The following YPEL2 variants were observed in gnomAD, a reference collection of about 807,000 sequenced individuals.
YPEL2 encodes the protein yippee like 2, also known as protein yippee-like 2.
YPEL2 carries 2 observed loss-of-function variants against 19.1 expected under a neutral mutation model. The ratio of observed to expected loss-of-function variants is 0.10; its 90% CI spans 0.04 to 0.33. YPEL2 has a LOEUF of 0.33. Among genes scored for constraint, YPEL2 ranks in the 10% least tolerant of loss-of-function variants. The probability of loss-of-function intolerance (pLI) is 1.00; values close to 1 mark genes in which losing one functional copy is unlikely to be tolerated. For missense variants in YPEL2, 66 were observed against 140.7 expected, an observed-to-expected ratio of 0.47 and a Z score of 2.68; for synonymous variants, 52 against 50.0, an observed-to-expected ratio of 1.04 and a Z score of -0.17.
chr17:59,344,072 T>C (rs2047744526), intron 1 of YPEL2, among the ~76,000 whole-genome samples: 1 of 152,070 alleles, frequency 6.6e-6, no homozygotes, highest in Non-Finnish European at 1.5e-5. Flanking sequence ...AGAATTGGAA[T>C]GAAGGTGACA....
At chr17:59,349,642 C>T (rs1431609589) in intron 1 of YPEL2, among the ~76,000 whole-genome samples, 1 of 151,974 alleles carries the variant, frequency 6.6e-6, no homozygotes, top group Non-Finnish European at 1.5e-5. Context: ...TTCCCCGGCC[C>T]CCACAGGCTG....
intron 2 of YPEL2, among the ~76,000 whole-genome samples, chr17:59,376,355 A>G (rs1215931857): frequency 6.6e-6 from 1 of 152,104 alleles, no homozygotes; most frequent in East Asian, 1.9e-4. Context: ...TAGTAGCTGG[A>G]TTACAGGCAC....
intron 2 of YPEL2, among the ~76,000 whole-genome samples, chr17:59,369,964 A>G (rs1307390983): frequency 2.6e-5 from 4 of 152,268 alleles, no homozygotes; most frequent in Non-Finnish European, 5.9e-5. Flanking sequence ...GAGATGTACT[A>G]CTGTTGTCTC....
intron 1 of YPEL2, among the ~76,000 whole-genome samples, chr17:59,340,438 CAG>C (rs1395225969): frequency 6.1e-5 from 9 of 146,878 alleles, no homozygotes; most frequent in African/African-American, 2.0e-4. Context: ...TTTTTTGAGA[CAG>C]AGTCTTGCTC....
chr17:59,395,213 A>ATGTGTGCATG lies in YPEL2; in HGVS notation c.271-1879_271-1870dup, dbSNP rs2048032742. 7.3e-5 allele frequency among the ~76,000 whole-genome samples: 8 copies of ATGTGTGCATG among 109,842 alleles called. No homozygotes were observed. In the South Asian group the frequency reaches 2.2e-3, roughly 31 times the overall value. The allele number at this position is 109,842 out of a possible 152,430, so 72.1% of individuals were successfully genotyped here. On this transcript the variant is annotated intron_variant, in intron 4 of 4. Coordinates refer to ENST00000312655, the MANE Select transcript of YPEL2 (RefSeq NM_001005404.4). ...ATTGCTCTGTCATGTGTATACACGCATGTGTGCATGTGTGTGCACAGAGAC... is the reference window on the plus strand; with the variant it reads ...ATTGCTCTGTCATGTGTATACACGCATGTGTGCATGTGTGTGCATGTGTGTGCACAGAGAC...
At chr17:59,339,732 A>C (rs958197424) in intron 1 of YPEL2, among the ~76,000 whole-genome samples, 10 of 151,942 alleles carry the variant, frequency 6.6e-5, no homozygotes, top group African/African-American at 2.4e-4. Context: ...GGTCCTCTCT[A>C]ATTGTGTGAT....
In YPEL2 at chr17:59,372,536, C is replaced by T. The variant is rs559171991; in HGVS notation, c.118-15791C>T. Among the ~76,000 whole-genome samples the T allele has an allele frequency of 3.8e-3, 572 of 152,348 alleles. 1 individual carries two copies. The highest frequency in any genetic ancestry group is 0.013 in the African/African-American group (556 of 41,576). On this transcript the variant is annotated intron_variant, in intron 2 of 4. Transcript: ENST00000312655. ...CACTCTGTGGTCTAACCGGCTGGTCCTTGTTTAGAAACTAACAAGTTCTGC... is the reference window on the plus strand; with the variant it reads ...CACTCTGTGGTCTAACCGGCTGGTCTTTGTTTAGAAACTAACAAGTTCTGC...
rs563103111 is a variant in YPEL2, at chr17:59,349,364, T to C, written c.-195-3851T>C. On this transcript the variant is annotated intron_variant, in intron 1 of 4. Transcript: ENST00000312655. ...GCCCACAGGCCTTTTTTTTCTTTTT[T>C]TTTTTTTTTTTTTTGTTGAGACGGA... Among the ~76,000 whole-genome samples the C allele has an allele frequency of 2.7e-3, 384 of 144,744 alleles. 2 individuals are homozygous for C. Among genetic ancestry groups the C allele is most frequent in the African/African-American group, 5.8e-3 (228 of 39,388 alleles). 95.0% of individuals were successfully genotyped at this position (144,744 alleles called of 152,430 possible).
At chr17:59,336,656 C>T (rs529849571) in intron 1 of YPEL2, among the ~76,000 whole-genome samples, 219 of 152,296 alleles carry the variant, frequency 1.4e-3, no homozygotes, top group African/African-American at 5.0e-3. Context: ...CACCTAAGCA[C>T]TCAGTGCTAG....
intron 1 of YPEL2, among the ~76,000 whole-genome samples, chr17:59,350,805 A>G (rs1002909747): frequency 6.6e-6 from 1 of 152,180 alleles, no homozygotes; most frequent in Non-Finnish European, 1.5e-5. Flanking sequence ...GTCTGCATGT[A>G]TAAGAAAACA....
chr17:59,337,209 A>T (rs1444294797), intron 1 of YPEL2, among the ~76,000 whole-genome samples: 2 of 137,144 alleles, frequency 1.5e-5, no homozygotes, highest in African/African-American at 5.7e-5. Context: ...TTTGTTTGAG[A>T]CGGAGTCTCG....
At chr17:59,335,209 A>T (rs190867925) in intron 1 of YPEL2, among the ~76,000 whole-genome samples, 105 of 152,298 alleles carry the variant, frequency 6.9e-4, no homozygotes, top group African/African-American at 2.5e-3. Context: ...GATACACTTG[A>T]GTCTGTGAAG....
intron 2 of YPEL2, among the ~76,000 whole-genome samples, chr17:59,377,274 C>CT (rs1178947757): frequency 1.3e-5 from 2 of 152,154 alleles, no homozygotes; most frequent in African/African-American, 2.4e-5. Flanking sequence ...CTTTTTAACT[C>CT]TAACAGTTGT....
intron 2 of YPEL2, among the ~76,000 whole-genome samples, chr17:59,361,052 G>A (rs555548112): frequency 6.6e-6 from 1 of 152,196 alleles, no homozygotes; most frequent in Non-Finnish European, 1.5e-5. Flanking sequence ...GCCTGGTCTC[G>A]ACCTCCTGAC....
chr17:59,343,194 T>C (rs60110830), intron 1 of YPEL2, among the ~76,000 whole-genome samples: 4,093 of 152,282 alleles, frequency 0.027, 207 homozygotes, highest in African/African-American at 0.093. Context: ...AATGCCCAGA[T>C]TGGATATTTT....
At chr17:59,349,251 A>G (rs1445330321) in intron 1 of YPEL2, among the ~76,000 whole-genome samples, 1 of 151,442 alleles carries the variant, frequency 6.6e-6, no homozygotes. Context: ...ATTTTTGCTT[A>G]AAAGGGAAGA....
At chr17:59,391,989 TC>T (rs1157843071) in intron 4 of YPEL2, among the ~76,000 whole-genome samples, 4 of 152,116 alleles carry the variant, frequency 2.6e-5, no homozygotes, top group Non-Finnish European at 5.9e-5. Context: ...GCTTGGTTGT[TC>T]CTGTGGGAGA....
chr17:59,372,500 A>C (rs1346328623), intron 2 of YPEL2, among the ~76,000 whole-genome samples: 1 of 152,214 alleles, frequency 6.6e-6, no homozygotes. Flanking sequence ...TGGAATTTGC[A>C]TGGAAACACC....
chr17:59,374,110 C>G (rs1452843568), intron 2 of YPEL2, among the ~76,000 whole-genome samples: 1 of 152,164 alleles, frequency 6.6e-6, no homozygotes, highest in Non-Finnish European at 1.5e-5. Context: ...AATCCCAGTT[C>G]AGAGTATCGG....
Sources: gnomAD v4.1 joint callset for allele counts (sites outside exome capture counted in the v4.1 genomes callset) on GRCh38, gnomAD v4.1.1 for gene constraint, MANE v1.5 for transcripts, NCBI Gene and HGNC (gene_info 2026-07-23, HGNC 2026-07-21) for gene names.